Variants in KIDINS220 observed in about 807,000 individuals in gnomAD.
The protein encoded by KIDINS220 is kinase D-interacting substrate of 220 kDa.
Under a neutral mutation model 157.6 loss-of-function variants are expected in KIDINS220, and 63 were observed. The ratio of observed to expected loss-of-function variants is 0.40; its 90% CI spans 0.33 to 0.49. KIDINS220 has a LOEUF of 0.49. KIDINS220 is among the 20% of genes least tolerant of loss of function. The pLI is 0.66. For synonymous variants in KIDINS220, 732 were observed against 783.6 expected (o/e 0.93, Z 1.10); for missense variants, 1,772 against 2,171.2 (o/e 0.82, Z 3.65).
At chr2:8,770,219 C>T (rs1026341143) in intron 22 of KIDINS220, among the ~76,000 whole-genome samples, 3 of 151,948 alleles carry the variant, frequency 2.0e-5, no homozygotes, top group Non-Finnish European at 4.4e-5. Context: ...GCCTGGGCAA[C>T]ACTGCAAGTC....
intron 27 of KIDINS220, among the ~76,000 whole-genome samples, chr2:8,736,473 TA>T: frequency 6.6e-6 from 1 of 152,334 alleles, no homozygotes; most frequent in African/African-American, 2.4e-5. Context: ...CTTACTTTGA[TA>T]ATCACTAAAT....
chr2:8,802,846 G>T, intron 8 of KIDINS220, 84 bp downstream of exon 8: 1 of 1,046,982 alleles, frequency 9.6e-7, no homozygotes. Flanking sequence ...TGTCATGCAT[G>T]AGAATCTTGA....
At chr2:8,820,819 C>T (rs781110693) in intron 2 of KIDINS220, among the ~76,000 whole-genome samples, 1 of 152,274 alleles carries the variant, frequency 6.6e-6, no homozygotes, top group East Asian at 1.9e-4. Flanking sequence ...GTCGTCACTA[C>T]CAACATCAAT....
intron 12 of KIDINS220, among the ~76,000 whole-genome samples, chr2:8,793,371 C>G (rs1388774537): frequency 6.6e-6 from 1 of 152,098 alleles, no homozygotes; most frequent in Non-Finnish European, 1.5e-5. Context: ...TAGCATGGGC[C>G]TGTAGTTCCA....
intron 8 of KIDINS220, among the ~76,000 whole-genome samples, chr2:8,800,829 G>A (rs1409236903): frequency 6.6e-6 from 1 of 152,156 alleles, no homozygotes; most frequent in African/African-American, 2.4e-5. Context: ...TGACGTTGTG[G>A]CTGTCAATGA....
intron 6 of KIDINS220, among the ~76,000 whole-genome samples, chr2:8,811,014 A>C (rs1383562202): frequency 1.3e-5 from 2 of 152,252 alleles, no homozygotes; most frequent in Non-Finnish European, 2.9e-5. Flanking sequence ...ACTAATTTTC[A>C]CTGTACTACT....
intron 1 of KIDINS220, among the ~76,000 whole-genome samples, chr2:8,828,350 G>C (rs1184695623): frequency 6.6e-6 from 1 of 152,176 alleles, no homozygotes; most frequent in African/African-American, 2.4e-5. Flanking sequence ...CCCCACACAG[G>C]CTTCACTGTC....
At chr2:8,732,393 G>A (rs1363090658) in intron 29 of KIDINS220, among the ~76,000 whole-genome samples, 1 of 152,094 alleles carries the variant, frequency 6.6e-6, no homozygotes, top group Admixed American at 6.5e-5. Context: ...CCACATGCTC[G>A]GCCACAGCAC....
At chr2:8,795,047 A>G (rs181838049) in intron 11 of KIDINS220, among the ~76,000 whole-genome samples, 246 of 152,336 alleles carry the variant, frequency 1.6e-3, no homozygotes, top group African/African-American at 5.7e-3. Flanking sequence ...ATAAACATGC[A>G]CAATTTAAAA....
intron 2 of KIDINS220, among the ~76,000 whole-genome samples, chr2:8,822,787 TAAAATA>T (rs1678189105): frequency 6.6e-6 from 1 of 152,058 alleles, no homozygotes; most frequent in South Asian, 2.1e-4. Context: ...CTTTCAAAAA[TAAAATA>T]AAAATAAAAA....
chr2:8,807,110 T>A (rs1171352483), intron 6 of KIDINS220, among the ~76,000 whole-genome samples: 3 of 152,130 alleles, frequency 2.0e-5, no homozygotes, highest in African/African-American at 7.2e-5. Flanking sequence ...ATTCACAGTA[T>A]CACATTTTCA....
At chr2:8,800,558 T>G in intron 8 of KIDINS220, 60 bp from the exon 9 acceptor site, 1 of 1,161,504 alleles carries the variant, frequency 8.6e-7, no homozygotes, top group Non-Finnish European at 1.2e-6. Flanking sequence ...AAGCACTCTT[T>G]TTAAGTTACA....
intron 13 of KIDINS220, 66 bp downstream of exon 13, chr2:8,790,994 T>C: frequency 6.8e-7 from 1 of 1,472,230 alleles, no homozygotes; most frequent in Non-Finnish European, 9.2e-7. Flanking sequence ...TCCTCTTTAT[T>C]TCAGAAAAAT....
At chr2:8,800,823 G>A (rs748856572) in intron 8 of KIDINS220, among the ~76,000 whole-genome samples, 2 of 152,110 alleles carry the variant, frequency 1.3e-5, no homozygotes, top group Non-Finnish European at 1.5e-5. Flanking sequence ...ATACAATGAC[G>A]TTGTGGCTGT....
intron 22 of KIDINS220, among the ~76,000 whole-genome samples, chr2:8,765,719 G>A (rs73912900): frequency 0.026 from 4,029 of 152,122 alleles, 94 homozygotes; most frequent in African/African-American, 0.058. Flanking sequence ...TAAAAGACAA[G>A]GTTTCACTAG....
chr2:8,750,234 G>A lies in KIDINS220; in HGVS notation c.3292C>T (p.Pro1098Ser). ...GACGTGGAAGAGCACACGGATGGGG[G>A]CTGGCTGTACCCTGATGGCGCCCTA... ...PPRAPSGYSQ[P>S]PSVCSSTSFN... The change falls in exon 24 of 30, where the codon CCC becomes TCC. Residue 1098 changes from proline (P) to serine (S), a missense_variant. By Grantham distance (74) the Pro-to-Ser change is moderately conservative. Around this residue, in one of 3 missense-constraint regions of KIDINS220, gnomAD observed 793 missense variants for 885.5 expected, o/e 0.90. Coordinates refer to ENST00000256707, the MANE Select transcript of KIDINS220 (RefSeq NM_020738.4). 1 of 1,614,016 alleles carries A rather than the reference G, an allele frequency of 6.2e-7. No individual in the cohort carries two copies. Among genetic ancestry groups the A allele is most frequent in the South Asian group, 1.1e-5 (1 of 91,076 alleles).
At chr2:8,824,860 C>T (rs183517788) in intron 2 of KIDINS220, among the ~76,000 whole-genome samples, 19 of 152,250 alleles carry the variant, frequency 1.2e-4, no homozygotes, top group Non-Finnish European at 2.6e-4. Flanking sequence ...GAAGGAAATC[C>T]TGTTACGTGC....
intron 14 of KIDINS220, among the ~76,000 whole-genome samples, chr2:8,789,535 G>A (rs535026391): frequency 9.2e-5 from 14 of 152,100 alleles, no homozygotes; most frequent in South Asian, 4.2e-4. Flanking sequence ...CGATCTGCCC[G>A]CCTTGGGCTC....
At chr2:8,724,647 G>GA (rs1663163401), downstream of KIDINS220, 2 of 152,098 alleles carry the variant, frequency 1.3e-5, no homozygotes, top group African/African-American at 2.4e-5. The surrounding 1 kb of genome is among the most constrained non-coding windows in gnomAD (Gnocchi z 4.6). Context: ...ATTTATTTGA[G>GA]ACAGGGCCTC....
Sources: allele counts gnomAD v4.1 joint callset (sites outside exome capture counted in the v4.1 genomes callset), GRCh38; gene constraint gnomAD v4.1.1; regional missense constraint gnomAD v4.1.1; non-coding constraint Gnocchi (gnomAD v3.1); transcripts MANE v1.5; gene names NCBI Gene and HGNC (gene_info 2026-07-23, HGNC 2026-07-21).